ERBB4: variants seen among roughly 807,000 people sequenced by gnomAD.
ERBB4 encodes receptor tyrosine-protein kinase erbB-4.
A neutral mutation model predicts 158.0 loss-of-function variants in ERBB4; 42 were observed. The ratio of observed to expected loss-of-function variants is 0.27; its 90% confidence interval spans 0.21 to 0.34. ERBB4 has a LOEUF of 0.34. ERBB4 is among the 10% of genes least tolerant of loss of function. ERBB4 has a pLI of 1.00. For synonymous variants in ERBB4, 583 were observed against 558.7 expected, an observed-to-expected ratio of 1.04 and a Z score of -0.61; for missense variants, 1,333 against 1,624.1, an observed-to-expected ratio of 0.82 and a Z score of 3.08.
At chr2:211,736,041 T>C (rs148601357) in intron 5 of ERBB4, among the ~76,000 whole-genome samples, 1,818 of 152,042 alleles carry the variant, frequency 0.012, 27 homozygotes, top group African/African-American at 0.042. Flanking sequence ...TGTGCACCTG[T>C]AGTCCTAGCT....
At chr2:212,387,140 A>G (rs546617250) in intron 1 of ERBB4, among the ~76,000 whole-genome samples, 121 of 152,140 alleles carry the variant, frequency 8.0e-4, no homozygotes, top group Non-Finnish European at 9.6e-4. Flanking sequence ...GAAGGTAGAT[A>G]TTATATGTAT....
At chr2:212,053,171 G>A (rs1033973034) in intron 2 of ERBB4, among the ~76,000 whole-genome samples, 1 of 152,022 alleles carries the variant, frequency 6.6e-6, no homozygotes, top group Non-Finnish European at 1.5e-5. Context: ...AAAGAGTGAG[G>A]CCGTGTCTCA....
intron 5 of ERBB4, among the ~76,000 whole-genome samples, chr2:211,744,439 C>CA: frequency 6.6e-6 from 1 of 152,264 alleles, no homozygotes; most frequent in Admixed American, 6.5e-5. Flanking sequence ...CTATTAAAAA[C>CA]AAAAACAAAA....
chr2:212,099,626 G>T (rs1239962928), intron 2 of ERBB4, among the ~76,000 whole-genome samples: 1 of 152,052 alleles, frequency 6.6e-6, no homozygotes, highest in African/African-American at 2.4e-5. Flanking sequence ...TATTGGTCTT[G>T]CTTTCCTACA....
chr2:211,963,919 C>T (rs954205066), intron 2 of ERBB4, among the ~76,000 whole-genome samples: 2 of 152,004 alleles, frequency 1.3e-5, no homozygotes, highest in Non-Finnish European at 2.9e-5. Context: ...CTATTTTAAA[C>T]ATAAAAAATA....
intron 19 of ERBB4, among the ~76,000 whole-genome samples, chr2:211,576,647 A>G (rs2067901705): frequency 6.6e-6 from 1 of 152,178 alleles, no homozygotes; most frequent in African/African-American, 2.4e-5. Context: ...CAAGGGTACA[A>G]TTATTAAAAA....
At chr2:211,853,246 T>G (rs994813245) in intron 3 of ERBB4, among the ~76,000 whole-genome samples, 1 of 152,000 alleles carries the variant, frequency 6.6e-6, no homozygotes, top group South Asian at 2.1e-4. Context: ...TTGCTCTTTT[T>G]TTTTCTTCAC....
At chr2:212,248,163 T>A (rs1312541446) in intron 1 of ERBB4, among the ~76,000 whole-genome samples, 2 of 152,080 alleles carry the variant, frequency 1.3e-5, no homozygotes, top group Non-Finnish European at 2.9e-5. Context: ...ATTTAAAATA[T>A]AGATCAACAA....
intron 1 of ERBB4, among the ~76,000 whole-genome samples, chr2:212,152,589 C>T (rs564005276): frequency 2.0e-5 from 3 of 152,230 alleles, no homozygotes; most frequent in South Asian, 4.1e-4. Context: ...GACATTCTCA[C>T]CTACTCCACT....
At chr2:212,488,810 T>C (rs914780965) in intron 1 of ERBB4, among the ~76,000 whole-genome samples, 7 of 151,288 alleles carry the variant, frequency 4.6e-5, no homozygotes, top group Non-Finnish European at 8.9e-5. Flanking sequence ...ACCTTGTCTC[T>C]AAACTCTTGA....
chr2:211,977,531 T>TAAAAAAAAAAAAAAAAAAAAA lies in ERBB4; in HGVS notation c.235-29916_235-29915insTTTTTTTTTTTTTTTTTTTTT. Among the ~76,000 whole-genome samples, 2 of 67,594 alleles carry TAAAAAAAAAAAAAAAAAAAAA rather than the reference T, an allele frequency of 3.0e-5. 1 individual carries two copies. The highest frequency in any genetic ancestry group is 5.5e-5 in the Non-Finnish European group (2 of 36,442). The allele number at this position is 67,594 out of a possible 152,430, so 44.3% of individuals were successfully genotyped here. On this transcript the variant is annotated intron_variant, in intron 2 of 27. Transcript: ENST00000342788. ...CCTTACTTTGTTAAGATATTGACTTTAAAAAAAAAAAAAAAAAGTAACTTG... is the reference window on the plus strand; with the variant it reads ...CCTTACTTTGTTAAGATATTGACTTTAAAAAAAAAAAAAAAAAAAAAAAAAAAAAAAAAAAAAAGTAACTTG...
intron 3 of ERBB4, among the ~76,000 whole-genome samples, chr2:211,932,937 G>C (rs1464549754): frequency 6.6e-6 from 1 of 151,914 alleles, no homozygotes; most frequent in African/African-American, 2.4e-5. Flanking sequence ...AGTAACAGAA[G>C]TCACTGTGCA....
chr2:212,490,723 A>G (rs1301752025), intron 1 of ERBB4, among the ~76,000 whole-genome samples: 1 of 151,788 alleles, frequency 6.6e-6, no homozygotes, highest in Non-Finnish European at 1.5e-5. Context: ...GGTGAAGTTC[A>G]ATAATATTCA....
intron 1 of ERBB4, among the ~76,000 whole-genome samples, chr2:212,228,947 T>C (rs956387171): frequency 6.6e-6 from 1 of 152,194 alleles, no homozygotes; most frequent in Non-Finnish European, 1.5e-5. Flanking sequence ...AAGTTAACAA[T>C]GCCTGTCGTA....
At chr2:212,017,291 G>A (rs780817240) in intron 2 of ERBB4, among the ~76,000 whole-genome samples, 52 of 152,088 alleles carry the variant, frequency 3.4e-4, no homozygotes, top group Non-Finnish European at 6.6e-4. Context: ...GCTAATAAAT[G>A]TTATTTATAA....
At chr2:211,744,782 C>T (rs1281563078) in intron 5 of ERBB4, among the ~76,000 whole-genome samples, 1 of 152,180 alleles carries the variant, frequency 6.6e-6, no homozygotes, top group Non-Finnish European at 1.5e-5. Context: ...ACTTCAGTTT[C>T]CTTAGCTGAG....
intron 3 of ERBB4, among the ~76,000 whole-genome samples, chr2:211,807,432 T>C (rs2076645614): frequency 1.3e-5 from 2 of 152,302 alleles, no homozygotes; most frequent in South Asian, 4.1e-4. Flanking sequence ...CTCAGGATGA[T>C]GGTTTCTAGC....
intron 25 of ERBB4, among the ~76,000 whole-genome samples, chr2:211,402,984 A>G (rs2063076368): frequency 6.6e-6 from 1 of 152,052 alleles, no homozygotes; most frequent in African/African-American, 2.4e-5. Flanking sequence ...TAGACTCTTC[A>G]GTTATAGGCC....
chr2:211,539,300 A>G (rs775841498), intron 20 of ERBB4, among the ~76,000 whole-genome samples: 2 of 151,950 alleles, frequency 1.3e-5, no homozygotes, highest in African/African-American at 2.4e-5. Context: ...TTGAAAAACC[A>G]TAATTGCTGT....
Sources: gnomAD v4.1 joint callset for allele counts (sites outside exome capture counted in the v4.1 genomes callset) on GRCh38, gnomAD v4.1.1 for gene constraint, MANE v1.5 for transcripts, NCBI Gene and HGNC (gene_info 2026-07-23, HGNC 2026-07-21) for gene names.